DYM: variants seen among roughly 807,000 people sequenced by gnomAD.
DYM encodes the protein dymeclin.
In DYM, 78 loss-of-function variants were observed where a neutral mutation model predicts 93.1. The observed-to-expected ratio is 0.84, with a 90% confidence interval of 0.70 to 1.01. The LOEUF is 1.01. DYM is among the 50% of genes least tolerant of loss of function. DYM has a pLI of 0.00. For missense variants in DYM, 789 were observed against 845.0 expected, an observed-to-expected ratio of 0.93 and a Z score of 0.82; for synonymous variants, 321 against 319.7, an observed-to-expected ratio of 1.00 and a Z score of -0.04.
chr18:49,229,729 T>C (rs2093642293), intron 13 of DYM, among the ~76,000 whole-genome samples: 1 of 152,094 alleles, frequency 6.6e-6, no homozygotes, highest in South Asian at 2.1e-4. Context: ...AAGTTAAACA[T>C]ACAATTACAT....
chr18:49,376,252 A>G (rs2067499362), intron 5 of DYM, among the ~76,000 whole-genome samples: 1 of 152,214 alleles, frequency 6.6e-6, no homozygotes, highest in Non-Finnish European at 1.5e-5. Context: ...CAACCAGCCA[A>G]CTATGTCATC....
intron 13 of DYM, among the ~76,000 whole-genome samples, chr18:49,247,934 G>A (rs571628093): frequency 6.6e-6 from 1 of 152,312 alleles, no homozygotes; most frequent in South Asian, 2.1e-4. Context: ...AAGTACCACT[G>A]GCTGTAGGAA....
intron 8 of DYM, among the ~76,000 whole-genome samples, chr18:49,300,551 T>C (rs1385125483): frequency 2.0e-5 from 3 of 151,578 alleles, no homozygotes; most frequent in Admixed American, 6.6e-5. Flanking sequence ...AGTAAGTTGA[T>C]GTTCGTGCCA....
chr18:49,200,786 A>G (rs1200836324), intron 14 of DYM, among the ~76,000 whole-genome samples: 1 of 152,160 alleles, frequency 6.6e-6, no homozygotes, highest in East Asian at 1.9e-4. Flanking sequence ...ATGTTTTGAT[A>G]TATGTATACA....
intron 17 of DYM, among the ~76,000 whole-genome samples, chr18:49,058,825 GT>G (rs1213700410): frequency 1.3e-5 from 2 of 152,016 alleles, no homozygotes; most frequent in African/African-American, 4.8e-5. Flanking sequence ...TATATTTGGG[GT>G]TATTTAGAGC....
At chr18:49,195,638 T>C (rs895319989) in intron 14 of DYM, among the ~76,000 whole-genome samples, 1 of 152,128 alleles carries the variant, frequency 6.6e-6, no homozygotes, top group East Asian at 1.9e-4. Context: ...CTCAACACTA[T>C]AGATACAACC....
At chr18:49,307,932 A>G (rs2061364534) in intron 8 of DYM, among the ~76,000 whole-genome samples, 1 of 152,208 alleles carries the variant, frequency 6.6e-6, no homozygotes, top group African/African-American at 2.4e-5. Context: ...GAAATTAATA[A>G]AAGTGACAGC....
At chr18:49,399,945 T>TTC (rs1466926177) in intron 2 of DYM, among the ~76,000 whole-genome samples, 1 of 133,648 alleles carries the variant, frequency 7.5e-6, no homozygotes, top group African/African-American at 2.8e-5. Flanking sequence ...TTTTTTTTTT[T>TTC]TTTTTTTTTT....
intron 1 of DYM, among the ~76,000 whole-genome samples, chr18:49,459,732 A>T (rs532832568): frequency 6.6e-6 from 1 of 152,050 alleles, no homozygotes; most frequent in South Asian, 2.1e-4. Flanking sequence ...GAACAGCTTT[A>T]TCCAATCAGC....
chr18:49,382,258 C>T (rs1159517670), intron 3 of DYM, among the ~76,000 whole-genome samples: 1 of 152,168 alleles, frequency 6.6e-6, no homozygotes, highest in East Asian at 1.9e-4. Flanking sequence ...ATTTATTGAG[C>T]TACTCATATG....
chr18:49,394,623 A>G (rs572847329), intron 2 of DYM, among the ~76,000 whole-genome samples: 7 of 152,318 alleles, frequency 4.6e-5, no homozygotes, highest in Admixed American at 3.9e-4. Context: ...TTGAGATAGC[A>G]TAGACATTTT....
chr18:49,440,881 T>A (rs370339885), intron 1 of DYM, among the ~76,000 whole-genome samples: 1,374 of 1,410 alleles, frequency 0.97, 673 homozygotes, highest in East Asian at 1. Context: ...TAATATATAT[T>A]ATATATATAA....
At chr18:49,140,483 TA>T (rs2084363984) in intron 15 of DYM, among the ~76,000 whole-genome samples, 1 of 152,186 alleles carries the variant, frequency 6.6e-6, no homozygotes. Flanking sequence ...TCCTATAACC[TA>T]AGATATAGTA....
intron 14 of DYM, among the ~76,000 whole-genome samples, chr18:49,188,933 G>A (rs1304042452): frequency 6.6e-6 from 1 of 152,134 alleles, no homozygotes; most frequent in Non-Finnish European, 1.5e-5. Context: ...CAACCTAGAC[G>A]CTCATCAATG....
chr18:49,156,458 G>A (rs189584408), intron 15 of DYM, among the ~76,000 whole-genome samples: 10 of 152,106 alleles, frequency 6.6e-5, no homozygotes, highest in South Asian at 6.2e-4. Flanking sequence ...ATGGCCAGGC[G>A]TGGTGGCTCA....
chr18:49,274,025 A>T (rs937795305), intron 10 of DYM, among the ~76,000 whole-genome samples: 1 of 152,084 alleles, frequency 6.6e-6, no homozygotes, highest in Non-Finnish European at 1.5e-5. Context: ...CAATTTACAG[A>T]CCATACAATC....
At chr18:49,146,625 A>C (rs2085175460) in intron 15 of DYM, among the ~76,000 whole-genome samples, 1 of 152,222 alleles carries the variant, frequency 6.6e-6, no homozygotes, top group Non-Finnish European at 1.5e-5. Flanking sequence ...ATATCTAGGA[A>C]TCCAACTTAC....
At chr18:49,235,275 T>A (rs2144564839) in intron 13 of DYM, among the ~76,000 whole-genome samples, 1 of 152,366 alleles carries the variant, frequency 6.6e-6, no homozygotes, top group East Asian at 1.9e-4. Flanking sequence ...CTCTGGACTT[T>A]ACCTGGAGAT....
At chr18:49,374,431 A>C (rs1320901078) in intron 5 of DYM, among the ~76,000 whole-genome samples, 2 of 152,232 alleles carry the variant, frequency 1.3e-5, no homozygotes, top group East Asian at 3.8e-4. Context: ...TTAGTGACTG[A>C]GAAAGAGACA....
Sources: gnomAD v4.1 joint callset for allele counts (sites outside exome capture counted in the v4.1 genomes callset) on GRCh38, gnomAD v4.1.1 for gene constraint, MANE v1.5 for transcripts, NCBI Gene and HGNC (gene_info 2026-07-23, HGNC 2026-07-21) for gene names.